CNTN4: variants seen among roughly 807,000 people sequenced by gnomAD.
CNTN4 encodes the protein contactin-4.
In CNTN4, 77 loss-of-function variants were observed where a neutral mutation model predicts 122.5. The observed-to-expected ratio is 0.63, with a 90% CI of 0.52 to 0.76. The LOEUF is 0.76. CNTN4 is among the 30% of genes least tolerant of loss of function. CNTN4 has a pLI of 0.00. For missense variants in CNTN4, 1,256 were observed against 1,259.1 expected (o/e 1.00, Z 0.04); for synonymous variants, 512 against 447.0 (o/e 1.15, Z -1.83).
chr3:2,377,420 C>G (rs1222858115), intron 3 of CNTN4, among the ~76,000 whole-genome samples: 1 of 152,202 alleles, frequency 6.6e-6, no homozygotes, highest in East Asian at 1.9e-4. Flanking sequence ...CACCCACACA[C>G]AGGTTGTTAA....
chr3:2,928,126 C>T (rs1262893468), intron 13 of CNTN4, among the ~76,000 whole-genome samples: 1 of 152,194 alleles, frequency 6.6e-6, no homozygotes, highest in Non-Finnish European at 1.5e-5. Flanking sequence ...TCTTGTTCTT[C>T]AAGAGAAACT....
chr3:2,279,051 A>T (rs2041621235), intron 2 of CNTN4, among the ~76,000 whole-genome samples: 1 of 151,974 alleles, frequency 6.6e-6, no homozygotes, highest in African/African-American at 2.4e-5. Context: ...TAGAGAGATT[A>T]CCTTCCACAT....
chr3:2,759,531 C>T (rs942779493), intron 6 of CNTN4, among the ~76,000 whole-genome samples: 5 of 152,230 alleles, frequency 3.3e-5, no homozygotes, highest in Middle Eastern at 3.4e-3. Flanking sequence ...AGTTGATGGA[C>T]GCTTGGGTTC....
At chr3:2,176,698 T>C (rs1306659190) in intron 2 of CNTN4, among the ~76,000 whole-genome samples, 2 of 152,120 alleles carry the variant, frequency 1.3e-5, no homozygotes, top group African/African-American at 2.4e-5. Context: ...AGATTATCAC[T>C]TTTATTTTTG....
intron 3 of CNTN4, among the ~76,000 whole-genome samples, chr3:2,534,002 T>C (rs1360107118): frequency 1.3e-5 from 2 of 152,108 alleles, no homozygotes; most frequent in Non-Finnish European, 2.9e-5. Context: ...ATTCTGGATA[T>C]TAGCCCTTTG....
At chr3:2,425,606 A>C (rs1436402033) in intron 3 of CNTN4, among the ~76,000 whole-genome samples, 2 of 152,170 alleles carry the variant, frequency 1.3e-5, no homozygotes, top group Non-Finnish European at 2.9e-5. Flanking sequence ...AAGTCTGTGA[A>C]GAAAGTCATT....
intron 2 of CNTN4, among the ~76,000 whole-genome samples, chr3:2,129,189 T>G (rs964120437): frequency 7.2e-5 from 11 of 152,044 alleles, no homozygotes; most frequent in Admixed American, 7.2e-4. Flanking sequence ...TTGTTATTAT[T>G]TTTTGATACT....
intron 4 of CNTN4, among the ~76,000 whole-genome samples, chr3:2,580,876 C>G (rs1403290194): frequency 6.6e-6 from 1 of 152,164 alleles, no homozygotes; most frequent in African/African-American, 2.4e-5. Context: ...GTTACATGAC[C>G]TACCAATAAA....
intron 4 of CNTN4, among the ~76,000 whole-genome samples, chr3:2,672,320 C>A (rs1165939091): frequency 6.6e-6 from 1 of 152,200 alleles, no homozygotes; most frequent in Non-Finnish European, 1.5e-5. Flanking sequence ...ATGGTGGGCG[C>A]CCCTCCCCCA....
intron 2 of CNTN4, among the ~76,000 whole-genome samples, chr3:2,295,759 A>G (rs2042288604): frequency 6.6e-6 from 1 of 152,096 alleles, no homozygotes; most frequent in African/African-American, 2.4e-5. Flanking sequence ...GCCCATGCCT[A>G]TGTCCTGAAT....
At chr3:2,114,871 C>T (rs1292134895) in intron 2 of CNTN4, among the ~76,000 whole-genome samples, 1 of 152,186 alleles carries the variant, frequency 6.6e-6, no homozygotes, top group Non-Finnish European at 1.5e-5. Flanking sequence ...GAGGTGCATT[C>T]CTTTGCTAAT....
intron 5 of CNTN4, among the ~76,000 whole-genome samples, chr3:2,744,965 A>C (rs901386358): frequency 6.6e-6 from 1 of 152,190 alleles, no homozygotes; most frequent in African/African-American, 2.4e-5. Context: ...AGCTCTTCAA[A>C]GTGATCCACG....
At chr3:2,466,312 CTG>C (rs965337901) in intron 3 of CNTN4, among the ~76,000 whole-genome samples, 36 of 152,290 alleles carry the variant, frequency 2.4e-4, no homozygotes, top group African/African-American at 8.7e-4. Flanking sequence ...AAACCTAAGA[CTG>C]TTTTCTTGGT....
intron 3 of CNTN4, among the ~76,000 whole-genome samples, chr3:2,563,767 A>G (rs941085378): frequency 6.6e-6 from 1 of 152,182 alleles, no homozygotes. Context: ...GTCCAAATAA[A>G]TAATACTTAT....
intron 13 of CNTN4, among the ~76,000 whole-genome samples, chr3:2,958,928 A>G (rs115230449): frequency 0.056 from 8,596 of 152,266 alleles, 347 homozygotes; most frequent in Non-Finnish European, 0.08. Context: ...TCCATTGGCT[A>G]GTTGTCTTGC....
rs59161687 is a variant in CNTN4 at position 2,148,942 on chromosome 3, C to CTGTG, written c.-145+48329_-145+48332dup. 3.0e-3 allele frequency among the ~76,000 whole-genome samples: 450 copies of CTGTG among 149,196 alleles called. 2 individuals carry two copies. Among genetic ancestry groups the CTGTG allele is most frequent in the South Asian group, 7.9e-3 (37 of 4,706 alleles). On this transcript the variant is annotated intron_variant, in intron 2 of 24. Coordinates refer to ENST00000418658, the MANE Select transcript of CNTN4 (RefSeq NM_175607.3). ...ACATTACATCCCCTTACTACCGTGA[C>CTGTG]TGTGTGTGTGTGTGTGTGTGTGTGT...
At chr3:2,127,289 G>C (rs2034222586) in intron 2 of CNTN4, among the ~76,000 whole-genome samples, 1 of 152,108 alleles carries the variant, frequency 6.6e-6, no homozygotes, top group African/African-American at 2.4e-5. Flanking sequence ...AAGTCCATCA[G>C]AGAACTTTCA....
intron 13 of CNTN4, among the ~76,000 whole-genome samples, chr3:2,976,602 G>A (rs556165954): frequency 1.4e-4 from 22 of 152,186 alleles, no homozygotes; most frequent in South Asian, 8.3e-4. Context: ...CATTAAATTT[G>A]TTATCCAAAA....
intron 16 of CNTN4, among the ~76,000 whole-genome samples, chr3:3,033,640 A>G (rs1699367332): frequency 6.6e-6 from 1 of 152,154 alleles, no homozygotes; most frequent in Non-Finnish European, 1.5e-5. Context: ...GAGGTTTGTC[A>G]TTATGTCCCC....
Sources: allele counts gnomAD v4.1 joint callset (sites outside exome capture counted in the v4.1 genomes callset), GRCh38; gene constraint gnomAD v4.1.1; transcripts MANE v1.5; gene names NCBI Gene and HGNC (gene_info 2026-07-23, HGNC 2026-07-21).